The following LRFN5 variants were observed in gnomAD, a reference collection of about 807,000 sequenced individuals.
LRFN5 encodes leucine rich repeat and fibronectin type III domain containing 5.
Under a neutral mutation model 45.6 loss-of-function variants are expected in LRFN5, and 24 were observed. The ratio of observed to expected loss-of-function variants is 0.53; its 90% confidence interval spans 0.38 to 0.74. The LOEUF is 0.74. LRFN5 is among the 30% of genes least tolerant of loss of function. The probability of loss-of-function intolerance (pLI) is 0.00; values close to 1 mark genes in which losing one functional copy is unlikely to be tolerated. For missense variants in LRFN5, 776 were observed against 861.5 expected (o/e 0.90, Z 1.24); for synonymous variants, 340 against 313.8 (o/e 1.08, Z -0.88).
chr14:41,620,961 T>A (rs1888113169), intron 1 of LRFN5, among the ~76,000 whole-genome samples: 1 of 122,176 alleles, frequency 8.2e-6, no homozygotes, highest in African/African-American at 3.3e-5. Flanking sequence ...ATACATGAAT[T>A]GATACATACA....
At chr14:41,874,601 A>G (rs1196753522) in intron 2 of LRFN5, among the ~76,000 whole-genome samples, 2 of 152,096 alleles carry the variant, frequency 1.3e-5, no homozygotes, top group African/African-American at 2.4e-5. Flanking sequence ...TTAATTTATC[A>G]AGTAGAGGAA....
intron 2 of LRFN5, among the ~76,000 whole-genome samples, chr14:41,825,298 G>A (rs759664320): frequency 6.6e-6 from 1 of 152,158 alleles, no homozygotes; most frequent in African/African-American, 2.4e-5. Flanking sequence ...AGGGGGAGAA[G>A]TCCCCCTCTC....
At chr14:41,861,442 T>C (rs1316130810) in intron 2 of LRFN5, among the ~76,000 whole-genome samples, 2 of 152,244 alleles carry the variant, frequency 1.3e-5, no homozygotes, top group East Asian at 3.8e-4. Context: ...GGTTAATACA[T>C]TGCTATCATG....
chr14:41,817,983 G>C (rs1323442883), intron 2 of LRFN5, among the ~76,000 whole-genome samples: 1 of 151,992 alleles, frequency 6.6e-6, no homozygotes, highest in Non-Finnish European at 1.5e-5. Flanking sequence ...ATGACATTTT[G>C]ATTCTAAATC....
intron 2 of LRFN5, among the ~76,000 whole-genome samples, chr14:41,832,958 T>C (rs1037299151): frequency 1.3e-5 from 2 of 152,166 alleles, no homozygotes; most frequent in Non-Finnish European, 2.9e-5. Context: ...TATATATATC[T>C]GGAGAACAAC....
chr14:41,846,628 A>G (rs1889077983), intron 2 of LRFN5, among the ~76,000 whole-genome samples: 1 of 152,126 alleles, frequency 6.6e-6, no homozygotes, highest in African/African-American at 2.4e-5. Flanking sequence ...TTGATTTGTC[A>G]TGTTTATATT....
chr14:41,894,253 A>G lies in LRFN5; in HGVS notation c.2098+2291A>G, dbSNP rs184803469. Reference sequence around the variant, plus strand: ...TGTACTATAAGTTACTGATGAACTTAGTATTTTCCAGTATTTTTAAAAATC... The same window carrying G: ...TGTACTATAAGTTACTGATGAACTTGGTATTTTCCAGTATTTTTAAAAATC... On this transcript the variant is annotated intron_variant, in intron 4 of 5. Coordinates refer to ENST00000298119, the MANE Select transcript of LRFN5 (RefSeq NM_152447.5). 2.4e-4 allele frequency: 238 copies of G among 976,822 alleles called. No individual in the cohort carries two copies. The African/African-American group carries it at 3.9e-3, about 16-fold the overall frequency. 60.5% of individuals were successfully genotyped at this position (976,822 alleles called of 1,614,324 possible). A position where few individuals can be genotyped will look rare whatever the true frequency, so the allele number is the denominator to read the frequency against.
chr14:41,616,558 C>T (rs971306458), intron 1 of LRFN5, among the ~76,000 whole-genome samples: 4 of 152,050 alleles, frequency 2.6e-5, no homozygotes, highest in African/African-American at 7.2e-5. Context: ...TGATTAAGCT[C>T]CTAGCAGTTT....
chr14:41,821,027 T>C (rs2139012673), intron 2 of LRFN5, among the ~76,000 whole-genome samples: 1 of 152,174 alleles, frequency 6.6e-6, no homozygotes, highest in Non-Finnish European at 1.5e-5. Context: ...TCTTCAGGGT[T>C]TTCAAGGTAT....
chr14:41,893,407 G>A, intron 4 of LRFN5: 7 of 985,076 alleles, frequency 7.1e-6, no homozygotes, highest in Non-Finnish European at 8.4e-6. Context: ...TTTGTTTTGA[G>A]AATAAGGCTC....
intron 1 of LRFN5, among the ~76,000 whole-genome samples, chr14:41,683,606 A>G (rs1594613455): frequency 6.6e-6 from 1 of 152,208 alleles, no homozygotes; most frequent in Non-Finnish European, 1.5e-5. Flanking sequence ...ATAAAGTTTC[A>G]GGATACAAAA....
chr14:41,786,091 T>C (rs1886710875), intron 2 of LRFN5, among the ~76,000 whole-genome samples: 1 of 152,174 alleles, frequency 6.6e-6, no homozygotes, highest in Non-Finnish European at 1.5e-5. Context: ...TCCTGTCCTT[T>C]GGGCCATTGT....
intron 2 of LRFN5, among the ~76,000 whole-genome samples, chr14:41,816,003 C>CG (rs2139001883): frequency 6.6e-6 from 1 of 151,978 alleles, no homozygotes; most frequent in South Asian, 2.1e-4. Flanking sequence ...CTAGAGTGTG[C>CG]GATATACTTT....
At chr14:41,892,393 A>T (rs578230106) in intron 4 of LRFN5, 1 of 985,276 alleles carries the variant, frequency 1.0e-6, no homozygotes, top group African/African-American at 1.7e-5. Context: ...ATGACATAGC[A>T]GCAGTGCCTT....
At chr14:41,661,402 A>G (rs558485085) in intron 1 of LRFN5, among the ~76,000 whole-genome samples, 1 of 152,172 alleles carries the variant, frequency 6.6e-6, no homozygotes. Flanking sequence ...AAGCATATAA[A>G]TCTATCTTGT....
intron 2 of LRFN5, among the ~76,000 whole-genome samples, chr14:41,831,132 CT>C (rs1406810538): frequency 7.2e-5 from 11 of 152,142 alleles, no homozygotes; most frequent in Admixed American, 7.2e-4. Context: ...GCCCATGTAG[CT>C]GTACCTTATA....
intron 2 of LRFN5, among the ~76,000 whole-genome samples, chr14:41,808,855 C>T (rs1446737850): frequency 1.3e-5 from 2 of 152,040 alleles, no homozygotes; most frequent in Non-Finnish European, 2.9e-5. Flanking sequence ...AAGAAATCCA[C>T]TCCAGCTCCT....
intron 2 of LRFN5, among the ~76,000 whole-genome samples, chr14:41,793,480 T>A (rs572244143): frequency 1.3e-5 from 2 of 152,220 alleles, no homozygotes; most frequent in African/African-American, 4.8e-5. Flanking sequence ...TTAAATATAT[T>A]TTCTCACCTC....
intron 1 of LRFN5, among the ~76,000 whole-genome samples, chr14:41,765,731 G>T (rs1439835412): frequency 1.3e-5 from 2 of 152,116 alleles, no homozygotes; most frequent in Non-Finnish European, 2.9e-5. Context: ...AAAAGATACA[G>T]CATTGATTGA....
Sources: allele counts gnomAD v4.1 joint callset (sites outside exome capture counted in the v4.1 genomes callset), GRCh38; gene constraint gnomAD v4.1.1; transcripts MANE v1.5; gene names NCBI Gene and HGNC (gene_info 2026-07-23, HGNC 2026-07-21).